FRMD7: variants seen among roughly 807,000 people sequenced by gnomAD.
FRMD7 encodes FERM domain-containing protein 7.
In FRMD7, 14 loss-of-function variants were observed where a neutral mutation model predicts 44.1. That is an observed-to-expected ratio of 0.32 (90% CI 0.21 to 0.50). The LOEUF (loss-of-function observed/expected upper bound fraction) is 0.50. FRMD7 is among the 20% of genes least tolerant of loss of function. FRMD7 has a pLI of 0.99. For missense variants in FRMD7, 501 were observed against 522.3 expected (o/e 0.96, Z 0.40); for synonymous variants, 212 against 187.4 (o/e 1.13, Z -1.07).
At chrX:132,113,555 T>C (rs1928828906) in intron 1 of FRMD7, among the ~76,000 whole-genome samples, 1 of 111,901 alleles carries the variant, frequency 8.9e-6, no homozygotes, top group African/African-American at 3.3e-5. Flanking sequence ...GGTGGATGAA[T>C]GATAAGAGAG....
chrX:132,107,734 T>G (rs935196431), intron 1 of FRMD7, among the ~76,000 whole-genome samples: 1 of 111,162 alleles, frequency 9.0e-6, no homozygotes, highest in African/African-American at 3.3e-5. Flanking sequence ...AAGTCCTATC[T>G]AAATAAAGTC....
intron 1 of FRMD7, among the ~76,000 whole-genome samples, chrX:132,120,292 A>G (rs1019934029): frequency 3.5e-5 from 4 of 112,799 alleles, no homozygotes; most frequent in Non-Finnish European, 5.6e-5. Flanking sequence ...TAGAATTCAG[A>G]GGAATCATCT....
At chrX:132,086,358 T>C (rs1927991330) in intron 5 of FRMD7, among the ~76,000 whole-genome samples, 1 of 111,631 alleles carries the variant, frequency 9.0e-6, no homozygotes. Context: ...TGATCTCTCT[T>C]ACTTTCAATC....
At position 132,095,284 on chromosome X, in the gene FRMD7, G is replaced by A. The variant is rs555121606; in HGVS notation, c.285-1145C>T. 6.4e-5 allele frequency among the ~76,000 whole-genome samples: 7 copies of A among 109,253 alleles called. No individual in the cohort carries two copies. In the South Asian group the frequency reaches 2.0e-3, roughly 31 times the overall value. The allele number at this position is 109,253 out of a possible 115,157, so 94.9% of individuals were successfully genotyped here. On this transcript the variant is annotated intron_variant, in intron 4 of 11. Transcript: ENST00000298542. Reference sequence around the variant, plus strand: ...TAATTTTTGTATTTTTAGTAGATACGAGGTTTCACCATGTTGGCCAGGCTG... The same window carrying A: ...TAATTTTTGTATTTTTAGTAGATACAAGGTTTCACCATGTTGGCCAGGCTG...
chrX:132,085,485 G>T (rs751780345), intron 7 of FRMD7, 96 bp downstream of exon 7: 2 of 729,786 alleles, frequency 2.7e-6, no homozygotes, highest in Non-Finnish European at 4.2e-6. Flanking sequence ...TGATAATACT[G>T]AGGGGTGAGA....
At chrX:132,105,455 T>C (rs1318037764) in intron 1 of FRMD7, among the ~76,000 whole-genome samples, 1 of 111,743 alleles carries the variant, frequency 8.9e-6, no homozygotes, top group Non-Finnish European at 1.9e-5. Context: ...ACAGATTCAA[T>C]GCAATTCCCA....
rs778401915 is a variant in FRMD7, at chrX:132,095,347, G to T, written c.285-1208C>A. On this transcript the variant is annotated intron_variant, in intron 4 of 11. Transcript: ENST00000298542. ...TGACCTCAGTTGATTGCCCCACCTT[G>T]GCCTCTCAAAGTGCTAGGATTACAG... Among the ~76,000 whole-genome samples the T allele has an allele frequency of 3.6e-5, 4 of 110,560 alleles. No individual in the cohort carries two copies. The South Asian group carries it at 1.5e-3, about 42-fold the overall frequency.
Position 132,104,711 on chromosome X carries a change from AAAAC to A in FRMD7, c.58-3999_58-3996del, listed in dbSNP as rs765431287. On this transcript the variant is annotated intron_variant, in intron 1 of 11. Coordinates refer to ENST00000298542, the MANE Select transcript of FRMD7 (RefSeq NM_194277.3). ...CCGTCTCAAAAAACCAAAAAAACAA[AAAAC>A]AAACAAACAAACAAAAAATTGGCAG... 5.4e-5 allele frequency among the ~76,000 whole-genome samples: 6 copies of A among 111,588 alleles called. No homozygotes were observed. In the East Asian group the frequency reaches 8.5e-4, roughly 16 times the overall value.
Position 132,100,612 on chromosome X carries a change from A to G in FRMD7, c.162T>C (p.Asn54=). Residue 54 remains asparagine, a splice_region_variant and synonymous_variant, in exon 2 of 12, where the codon AAT becomes AAC. Coordinates refer to ENST00000298542, the MANE Select transcript of FRMD7 (RefSeq NM_194277.3). ...GAACCCTATAATGAAACCAACTTAC[A>G]TTATTTCCAGAATGGCTGCAGAATT... is the stretch of plus-strand genomic sequence containing the variant. ...GLEFCSHSGN[N]VWLELLKPIT... 3 of 1,174,037 alleles carry G rather than the reference A, an allele frequency of 2.6e-6. No homozygotes were observed. The highest frequency in any genetic ancestry group is 3.6e-5 in the South Asian group (2 of 56,196).
At chrX:132,098,413 C>G (rs1392441337) in intron 3 of FRMD7, among the ~76,000 whole-genome samples, 2 of 111,603 alleles carry the variant, frequency 1.8e-5, no homozygotes, top group Non-Finnish European at 3.8e-5. Flanking sequence ...CTTTATTCCT[C>G]GAAGGGTAGG....
At chrX:132,121,022 T>G (rs914969371) in intron 1 of FRMD7, among the ~76,000 whole-genome samples, 4 of 111,717 alleles carry the variant, frequency 3.6e-5, no homozygotes, top group African/African-American at 1.3e-4. Context: ...GCTTTCTTTG[T>G]ACAGGCACGG....
chrX:132,089,455 T>C (rs1321057270), intron 5 of FRMD7, among the ~76,000 whole-genome samples: 4 of 111,677 alleles, frequency 3.6e-5, no homozygotes, highest in African/African-American at 1.3e-4. Context: ...AGTTCTTAGA[T>C]ACAACACCGA....
intron 8 of FRMD7, among the ~76,000 whole-genome samples, chrX:132,084,093 T>G (rs1927908110): frequency 8.9e-6 from 1 of 111,771 alleles, no homozygotes; most frequent in Non-Finnish European, 1.9e-5. Context: ...ATATACTAGG[T>G]GTTCAATAAT....
Position 132,086,138 on chromosome X carries a change from C to G in FRMD7, c.383-104G>C, listed in dbSNP as rs191200393. The G allele has an allele frequency of 6.9e-4, 381 of 551,320 alleles. No homozygotes were observed. The African/African-American group carries it at 7.8e-3, about 11-fold the overall frequency. The allele number at this position is 551,320 out of a possible 1,213,427, so 45.4% of individuals were successfully genotyped here. A position where few individuals can be genotyped will look rare whatever the true frequency, so the allele number is the denominator to read the frequency against. On this transcript the variant is annotated intron_variant, in intron 5 of 11. Coordinates refer to ENST00000298542, the MANE Select transcript of FRMD7 (RefSeq NM_194277.3). ...CCATCAAACAGCCCCTTCTTTGTAG[C>G]CAATGCAGTCCAAAGCCTCCAACCC...
intron 11 of FRMD7, among the ~76,000 whole-genome samples, chrX:132,079,710 T>A (rs187465891): frequency 8.9e-6 from 1 of 112,010 alleles, no homozygotes; most frequent in Admixed American, 9.5e-5. Context: ...GAGCTTTCAG[T>A]TTTGAAAATT....
At chrX:132,085,845 G>T in intron 6 of FRMD7, 75 bp downstream of exon 6, 2 of 1,028,304 alleles carry the variant, frequency 1.9e-6, no homozygotes, top group Non-Finnish European at 2.7e-6. Flanking sequence ...AGGTTTAAGG[G>T]CTTGCTCTTA....
In FRMD7 at chrX:132,105,672, A is replaced by G. The variant is rs138195244; in HGVS notation, c.58-4956T>C. ...GGTACAAAAGCAGGCACATAGGCCA[A>G]TGGAGCAGAATAGAGAGTCCAGAAA... On this transcript the variant is annotated intron_variant, in intron 1 of 11. Coordinates refer to ENST00000298542, the MANE Select transcript of FRMD7 (RefSeq NM_194277.3). Among the ~76,000 whole-genome samples, 78 of 111,827 alleles carry G rather than the reference A, an allele frequency of 7.0e-4. No homozygotes were observed. The East Asian group carries it at 0.017, about 25-fold the overall frequency.
chrX:132,096,716 C>CAAA (rs34250894), intron 4 of FRMD7, among the ~76,000 whole-genome samples: 2 of 55,578 alleles, frequency 3.6e-5, no homozygotes, highest in East Asian at 7.0e-4. Context: ...GACCCTGTCT[C>CAAA]AAAAAAAAAA....
chrX:132,101,346 T>C (rs1280448029), intron 1 of FRMD7, among the ~76,000 whole-genome samples: 2 of 111,864 alleles, frequency 1.8e-5, no homozygotes, highest in African/African-American at 6.5e-5. Flanking sequence ...CACATTTCTT[T>C]GGTTTGGCTT....
Sources: allele counts gnomAD v4.1 joint callset (sites outside exome capture counted in the v4.1 genomes callset), GRCh38; gene constraint gnomAD v4.1.1; transcripts MANE v1.5; gene names NCBI Gene and HGNC (gene_info 2026-07-23, HGNC 2026-07-21).